The following PDZRN4 variants were observed in gnomAD, a reference collection of about 807,000 sequenced individuals.
PDZRN4 encodes the protein PDZ domain-containing RING finger protein 4.
A neutral mutation model predicts 99.0 loss-of-function variants in PDZRN4; 70 were observed. The observed-to-expected ratio is 0.71, with a 90% CI of 0.58 to 0.86. PDZRN4 has a LOEUF of 0.86. Among genes scored for constraint, PDZRN4 ranks in the 40% least tolerant of loss-of-function variants. The probability of loss-of-function intolerance (pLI) is 0.00; values close to 1 mark genes in which losing one functional copy is unlikely to be tolerated. For missense variants in PDZRN4, 1,474 were observed against 1,331.2 expected (o/e 1.11, Z -1.67); for synonymous variants, 551 against 501.6 (o/e 1.10, Z -1.32).
At chr12:41,556,139 C>T (rs561628456) in intron 7 of PDZRN4, among the ~76,000 whole-genome samples, 1 of 152,310 alleles carries the variant, frequency 6.6e-6, no homozygotes, top group Non-Finnish European at 1.5e-5. Flanking sequence ...ATACGCTTAA[C>T]ACAGTGCATA....
chr12:41,224,987 G>C (rs1017767453), intron 3 of PDZRN4, among the ~76,000 whole-genome samples: 2 of 151,866 alleles, frequency 1.3e-5, no homozygotes, highest in Non-Finnish European at 2.9e-5. Context: ...TACCTGGCCT[G>C]AAAAATAAAA....
At chr12:41,393,438 A>T (rs1952224460) in intron 3 of PDZRN4, among the ~76,000 whole-genome samples, 1 of 152,066 alleles carries the variant, frequency 6.6e-6, no homozygotes, top group Middle Eastern at 3.2e-3. Flanking sequence ...CCTCACTCAT[A>T]TATATATGGC....
At chr12:41,204,217 A>G (rs1950834004) in intron 3 of PDZRN4, among the ~76,000 whole-genome samples, 1 of 151,950 alleles carries the variant, frequency 6.6e-6, no homozygotes, top group African/African-American at 2.4e-5. Flanking sequence ...CATGGTGTTT[A>G]GTATAAATAG....
chr12:41,227,162 G>A (rs1398527434), intron 3 of PDZRN4, among the ~76,000 whole-genome samples: 3 of 152,094 alleles, frequency 2.0e-5, no homozygotes, highest in Non-Finnish European at 4.4e-5. Context: ...GCATAATAGT[G>A]AATTAAAAAG....
Position 41,484,326 on chromosome 12 carries a change from T to C in PDZRN4, c.844-22130T>C, listed in dbSNP as rs181524435. Among the ~76,000 whole-genome samples, 23 of 152,354 alleles carry C rather than the reference T, an allele frequency of 1.5e-4. No individual in the cohort carries two copies. The East Asian group carries it at 3.5e-3, about 23-fold the overall frequency. The stretch of plus-strand genomic sequence containing the variant: ...TGCAGGATTGAAAACATTATTTATG[T>C]GTTGGCTTCTTCTTACTGCAACCAA... On this transcript the variant is annotated intron_variant, in intron 3 of 9. Coordinates refer to ENST00000402685, the MANE Select transcript of PDZRN4 (RefSeq NM_001164595.2).
At chr12:41,543,966 C>A (rs1283687765) in intron 5 of PDZRN4, among the ~76,000 whole-genome samples, 1 of 152,080 alleles carries the variant, frequency 6.6e-6, no homozygotes, top group Non-Finnish European at 1.5e-5. Flanking sequence ...TGTAATTCTG[C>A]AAAATAAATT....
intron 3 of PDZRN4, among the ~76,000 whole-genome samples, chr12:41,290,133 G>A (rs1951448118): frequency 6.6e-6 from 1 of 152,172 alleles, no homozygotes; most frequent in Non-Finnish European, 1.5e-5. Flanking sequence ...TTGTGCTTTG[G>A]AACAGAATCC....
chr12:41,326,490 G>A (rs1383664461), intron 3 of PDZRN4, among the ~76,000 whole-genome samples: 1 of 152,136 alleles, frequency 6.6e-6, no homozygotes, highest in Non-Finnish European at 1.5e-5. Context: ...ATTGTTCCAT[G>A]TGGATATCAG....
At position 41,559,107 on chromosome 12, in the gene PDZRN4, C is replaced by T. The variant is rs559150255; in HGVS notation, c.1365+3347C>T. Among the ~76,000 whole-genome samples, 3 of 152,148 alleles carry T rather than the reference C, an allele frequency of 2.0e-5. No individual in the cohort carries two copies. The East Asian group carries it at 5.8e-4, about 29-fold the overall frequency. ...AATGGCCCTGCCCTCACTGTGTAGC[C>T]AAACTTTTCTTAATGTAGCACACCA... On this transcript the variant is annotated intron_variant, in intron 7 of 9. Coordinates refer to ENST00000402685, the MANE Select transcript of PDZRN4 (RefSeq NM_001164595.2).
intron 3 of PDZRN4, among the ~76,000 whole-genome samples, chr12:41,357,084 G>A (rs572729980): frequency 1.1e-4 from 16 of 151,928 alleles, no homozygotes; most frequent in Middle Eastern, 3.4e-3. Flanking sequence ...TAAAAGGGTG[G>A]TTTTATTAAT....
intron 3 of PDZRN4, among the ~76,000 whole-genome samples, chr12:41,290,721 C>T (rs994016807): frequency 2.6e-5 from 4 of 152,022 alleles, no homozygotes; most frequent in Admixed American, 6.6e-5. Flanking sequence ...ACCCTACTCT[C>T]AGAAAAATAG....
chr12:41,194,130 T>C lies in PDZRN4; in HGVS notation c.785T>C (p.Leu262Ser). 1 of 1,575,900 alleles carries C rather than the reference T, an allele frequency of 6.3e-7. No individual in the cohort carries two copies. The highest frequency in any genetic ancestry group is 1.1e-5 in the South Asian group (1 of 90,590). The change falls in exon 3 of 10, where the codon TTA (leucine) becomes TCA (serine). Residue 262 changes from leucine to serine, a missense_variant. Physicochemically the swap from Leu to Ser is moderately radical, Grantham distance 145. Transcript: ENST00000402685. ...GAAGGAATTTACGTTTCAAAAATTTTAGAAAATGGACCTGCTGACAGAGCA... is the reference window on the plus strand; with the variant it reads ...GAAGGAATTTACGTTTCAAAAATTTCAGAAAATGGACCTGCTGACAGAGCA... ...STEGIYVSKI[L>S]ENGPADRADG...
chr12:41,510,183 C>G (rs1938282425), intron 5 of PDZRN4, among the ~76,000 whole-genome samples: 1 of 152,014 alleles, frequency 6.6e-6, no homozygotes, highest in Non-Finnish European at 1.5e-5. Flanking sequence ...TTTTTAAAAT[C>G]TGTTCTATAA....
At chr12:41,507,796 A>ATTCATTCATCCATTACC (rs150477838) in intron 4 of PDZRN4, among the ~76,000 whole-genome samples, 12,412 of 152,062 alleles carry the variant, frequency 0.082, 1,206 homozygotes, top group East Asian at 0.31. Flanking sequence ...GTATCTCTTT[A>ATTCATTCATCCATTACC]TTTTAAATAG....
intron 3 of PDZRN4, among the ~76,000 whole-genome samples, chr12:41,299,960 A>G (rs1394444372): frequency 6.6e-6 from 1 of 151,970 alleles, no homozygotes; most frequent in African/African-American, 2.4e-5. Context: ...GACTTAGTGC[A>G]TATATCTTTA....
chr12:41,332,576 T>A (rs1951747172), intron 3 of PDZRN4, among the ~76,000 whole-genome samples: 1 of 151,096 alleles, frequency 6.6e-6, no homozygotes, highest in African/African-American at 2.4e-5. Context: ...AACCTAGGGG[T>A]CTTGTGATTG....
chr12:41,565,756 G>T (rs1047044968), intron 8 of PDZRN4, among the ~76,000 whole-genome samples: 1 of 152,066 alleles, frequency 6.6e-6, no homozygotes, highest in Non-Finnish European at 1.5e-5. Flanking sequence ...GACCATTAAA[G>T]ATATTGCTTT....
chr12:41,481,235 C>G (rs899621389), intron 3 of PDZRN4, among the ~76,000 whole-genome samples: 1 of 152,016 alleles, frequency 6.6e-6, no homozygotes, highest in African/African-American at 2.4e-5. Flanking sequence ...AGGAGCAGCT[C>G]ATAGTCATCT....
chr12:41,241,108 A>G (rs963231768), intron 3 of PDZRN4, among the ~76,000 whole-genome samples: 5 of 151,970 alleles, frequency 3.3e-5, no homozygotes, highest in African/African-American at 1.2e-4. Flanking sequence ...TCAAGACCAG[A>G]AGTGTTTCAG....
Sources: gnomAD v4.1 joint callset for allele counts (sites outside exome capture counted in the v4.1 genomes callset) on GRCh38, gnomAD v4.1.1 for gene constraint, MANE v1.5 for transcripts, NCBI Gene and HGNC (gene_info 2026-07-23, HGNC 2026-07-21) for gene names.